PTPN11: variants seen among roughly 807,000 people sequenced by gnomAD.
PTPN11 encodes protein tyrosine phosphatase non-receptor type 11, also known as tyrosine-protein phosphatase non-receptor type 11.
A neutral mutation model predicts 78.8 loss-of-function variants in PTPN11; 6 were observed. The observed-to-expected ratio is 0.08, with a 90% CI of 0.04 to 0.15. PTPN11 has a LOEUF of 0.15. Ranked by LOEUF, PTPN11 falls within the 10% of genes least tolerant of loss-of-function variation. The probability of loss-of-function intolerance (pLI) is 1.00; values close to 1 mark genes in which losing one functional copy is unlikely to be tolerated. For synonymous variants in PTPN11, 221 were observed against 263.5 expected (o/e 0.84, Z 1.56); for missense variants, 386 against 744.8 (o/e 0.52, Z 5.61).
intron 1 of PTPN11, among the ~76,000 whole-genome samples, chr12:112,440,727 C>T (rs2037874985): frequency 6.6e-6 from 1 of 151,370 alleles, no homozygotes. Flanking sequence ...ATGTGTGCCA[C>T]CATGCCTGGC....
In PTPN11 at chr12:112,457,217, CCAGA is replaced by C. The variant is rs554669435; in HGVS notation, c.756+1158_756+1161del. ...TGAATCCAGGAGTTTGCCCCCATCC[CCAGA>C]CAGTGTGTGTGATGTTCCCCTCCCT... On this transcript the variant is annotated intron_variant, in intron 6 of 15. Transcript: ENST00000351677. 1.2e-3 allele frequency: 467 copies of C among 398,244 alleles called. 7 individuals are homozygous for C. Among genetic ancestry groups the C allele is most frequent in the Admixed American group, 8.9e-3 (302 of 33,990 alleles). 24.7% of individuals were successfully genotyped at this position (398,244 alleles called of 1,614,324 possible).
chr12:112,429,947 G>A (rs1028305463), intron 1 of PTPN11, among the ~76,000 whole-genome samples: 3 of 152,308 alleles, frequency 2.0e-5, no homozygotes. Context: ...TTGCACACAG[G>A]CATGTGGCAA....
intron 1 of PTPN11, among the ~76,000 whole-genome samples, chr12:112,421,003 G>A (rs1478982004): frequency 1.3e-5 from 2 of 152,146 alleles, no homozygotes; most frequent in Non-Finnish European, 2.9e-5. Flanking sequence ...GTTGGGAAAA[G>A]GTCTGGGTAG....
chr12:112,454,642 A>G lies in PTPN11; in HGVS notation c.604A>G (p.Met202Val). Reference sequence around the variant, plus strand: ...TGTGGAACATTATAAGAAGAATCCTATGGTGGAAACATTGGGTACAGTACT... The same window carrying G: ...TGTGGAACATTATAAGAAGAATCCTGTGGTGGAAACATTGGGTACAGTACT... ...DLVEHYKKNPMVETLGTVLQL... is the reference protein window; with the variant it reads ...DLVEHYKKNPVVETLGTVLQL... Residue 202 changes from methionine (M) to valine (V), a missense_variant, in exon 5 of 16, where the codon ATG becomes GTG. This residue lies in a region of PTPN11 where 279 missense variants were observed against 503.3 expected (regional missense o/e 0.55). Coordinates refer to ENST00000351677, the MANE Select transcript of PTPN11 (RefSeq NM_002834.5). 6.2e-7 allele frequency: 1 copy of G among 1,613,792 alleles called. No individual in the cohort carries two copies. Among genetic ancestry groups the G allele is most frequent in the Non-Finnish European group, 8.5e-7 (1 of 1,179,748 alleles).
intron 6 of PTPN11, among the ~76,000 whole-genome samples, chr12:112,472,061 A>G (rs1350115958): frequency 6.6e-6 from 1 of 152,132 alleles, no homozygotes; most frequent in Non-Finnish European, 1.5e-5. Context: ...GCTGGTCTTT[A>G]ACTCCTGACT....
intron 7 of PTPN11, among the ~76,000 whole-genome samples, 186 bp downstream of exon 7, chr12:112,473,226 G>A (rs1657831511): frequency 6.6e-6 from 1 of 152,104 alleles, no homozygotes. Context: ...CTGAGCTCCC[G>A]TGATGCTGAT....
intron 9 of PTPN11, 77 bp from the exon 10 acceptor site, chr12:112,481,997 A>G (rs981983431): frequency 1.4e-6 from 2 of 1,451,166 alleles, no homozygotes; most frequent in African/African-American, 1.4e-5. Flanking sequence ...CAAGACTTGA[A>G]CATTTGTTTG....
intron 7 of PTPN11, among the ~76,000 whole-genome samples, chr12:112,473,612 C>T (rs1234489051): frequency 3.3e-5 from 5 of 151,804 alleles, no homozygotes; most frequent in Non-Finnish European, 5.9e-5. Flanking sequence ...TTTCGGAGGC[C>T]GAGGCAAGCG....
chr12:112,484,302 T>C (rs1323571798), intron 10 of PTPN11, among the ~76,000 whole-genome samples: 1 of 152,218 alleles, frequency 6.6e-6, no homozygotes, highest in Non-Finnish European at 1.5e-5. Context: ...CATGAAAATA[T>C]ACTGATACCC....
chr12:112,434,721 G>A (rs902401146), intron 1 of PTPN11, among the ~76,000 whole-genome samples: 2 of 152,160 alleles, frequency 1.3e-5, no homozygotes, highest in African/African-American at 4.8e-5. Context: ...CAGGCTCAGA[G>A]GGAGTAGTGT....
At chr12:112,458,125 T>C (rs1046209961) in intron 6 of PTPN11, among the ~76,000 whole-genome samples, 1 of 152,232 alleles carries the variant, frequency 6.6e-6, no homozygotes, top group Non-Finnish European at 1.5e-5. Context: ...CTGAGATAGA[T>C]ATGATTTCCC....
intron 1 of PTPN11, among the ~76,000 whole-genome samples, chr12:112,441,051 G>A (rs1035734176): frequency 1.4e-5 from 2 of 145,186 alleles, no homozygotes; most frequent in Non-Finnish European, 3.0e-5. Context: ...CGCACCCTCC[G>A]CTTCCCGGGT....
intron 6 of PTPN11, among the ~76,000 whole-genome samples, chr12:112,472,505 C>T (rs1405860652): frequency 6.6e-6 from 1 of 151,896 alleles, no homozygotes; most frequent in Non-Finnish European, 1.5e-5. Context: ...CAGCATTTCT[C>T]CACAGTTGTT....
intron 9 of PTPN11, among the ~76,000 whole-genome samples, chr12:112,478,553 C>G (rs922815480): frequency 6.6e-6 from 1 of 152,160 alleles, no homozygotes; most frequent in African/African-American, 2.4e-5. Flanking sequence ...CGAATAGCTT[C>G]TTTTGCTATG....
chr12:112,421,128 C>T (rs1012395458), intron 1 of PTPN11, among the ~76,000 whole-genome samples: 4 of 152,158 alleles, frequency 2.6e-5, no homozygotes, highest in African/African-American at 9.7e-5. Flanking sequence ...TTCTCCCCTC[C>T]AGCCCTGGTA....
intron 1 of PTPN11, among the ~76,000 whole-genome samples, chr12:112,439,725 C>T (rs1401404749): frequency 6.6e-6 from 1 of 150,818 alleles, no homozygotes; most frequent in African/African-American, 2.5e-5. Flanking sequence ...CTGCCTTGGC[C>T]TTCCAAAGTG....
chr12:112,436,563 G>A (rs2037794482), intron 1 of PTPN11, among the ~76,000 whole-genome samples: 1 of 152,176 alleles, frequency 6.6e-6, no homozygotes, highest in Non-Finnish European at 1.5e-5. Flanking sequence ...GCATTTTCCT[G>A]ATACTTCTCC....
chr12:112,474,424 C>T (rs2038467541), intron 7 of PTPN11, among the ~76,000 whole-genome samples: 2 of 151,998 alleles, frequency 1.3e-5, no homozygotes, highest in African/African-American at 2.4e-5. Context: ...CCCTATGTTG[C>T]CCAGGCTGGT....
At chr12:112,466,449 A>G (rs1385722467) in intron 6 of PTPN11, among the ~76,000 whole-genome samples, 2 of 152,206 alleles carry the variant, frequency 1.3e-5, no homozygotes. Flanking sequence ...CTACAATCCC[A>G]GCATTTTGGG....
Sources: gnomAD v4.1 joint callset for allele counts (sites outside exome capture counted in the v4.1 genomes callset) on GRCh38, gnomAD v4.1.1 for gene constraint, gnomAD v4.1.1 regional missense constraint, MANE v1.5 for transcripts, NCBI Gene and HGNC (gene_info 2026-07-23, HGNC 2026-07-21) for gene names.